The following FAM185A variants were observed in gnomAD, a reference collection of about 807,000 sequenced individuals.
FAM185A encodes the protein family with sequence similarity 185 member A.
A neutral mutation model predicts 45.7 loss-of-function variants in FAM185A; 21 were observed. The observed-to-expected ratio is 0.46, with a 90% CI of 0.33 to 0.66. The LOEUF is 0.66. Among genes scored for constraint, FAM185A ranks in the 30% least tolerant of loss-of-function variants. The probability of loss-of-function intolerance (pLI) is 0.03; values close to 1 mark genes in which losing one functional copy is unlikely to be tolerated. For missense variants in FAM185A, 305 were observed against 485.4 expected (o/e 0.63, Z 3.49); for synonymous variants, 117 against 194.0 (o/e 0.60, Z 3.30).
At chr7:102,786,108 A>C (rs2129441271) in intron 6 of FAM185A, among the ~76,000 whole-genome samples, 1 of 152,280 alleles carries the variant, frequency 6.6e-6, no homozygotes, top group East Asian at 1.9e-4. Context: ...CATCAGAGAA[A>C]TGCAAATCAA....
intron 3 of FAM185A, among the ~76,000 whole-genome samples, chr7:102,758,459 TATAGTAGCTA>T (rs1562845524): frequency 9.0e-4 from 97 of 107,296 alleles, no homozygotes; most frequent in African/African-American, 1.7e-3. Context: ...TTTTTTTTTT[TATAGTAGCTA>T]TTGGGATTTT....
At chr7:102,765,165 C>T (rs1794314917) in intron 4 of FAM185A, among the ~76,000 whole-genome samples, 1 of 152,174 alleles carries the variant, frequency 6.6e-6, no homozygotes, top group African/African-American at 2.4e-5. Flanking sequence ...TTGATTGCAA[C>T]CGCAAATTCC....
chr7:102,841,131 T>C, the FAM185A span, among the ~76,000 whole-genome samples: 1 of 152,264 alleles, frequency 6.6e-6, no homozygotes, highest in East Asian at 1.9e-4. Flanking sequence ...GTGTGTCACA[T>C]AGAAGAGGGA....
chr7:102,847,988 T>C, the FAM185A span, among the ~76,000 whole-genome samples: 1 of 152,214 alleles, frequency 6.6e-6, no homozygotes, highest in African/African-American at 2.4e-5. Context: ...TACCAAGGTG[T>C]ATACATATAT....
the FAM185A span, among the ~76,000 whole-genome samples, chr7:102,843,300 G>C: frequency 6.6e-6 from 1 of 151,754 alleles, no homozygotes; most frequent in Admixed American, 6.6e-5. Context: ...AAAATTACCT[G>C]GGCGTGGTGG....
At chr7:102,776,780 A>T (rs1795100852) in intron 5 of FAM185A, among the ~76,000 whole-genome samples, 1 of 151,590 alleles carries the variant, frequency 6.6e-6, no homozygotes, top group Admixed American at 6.6e-5. Context: ...AGCACTTCTT[A>T]GTATCAGCAA....
the FAM185A span, among the ~76,000 whole-genome samples, chr7:102,842,824 T>G: frequency 6.6e-6 from 1 of 152,210 alleles, no homozygotes; most frequent in Non-Finnish European, 1.5e-5. Context: ...AGTACAAGAC[T>G]CAGAACTCTG....
At position 102,758,439 on chromosome 7, in the gene FAM185A, T is replaced by A. The variant is rs1349751506; in HGVS notation, c.654+493T>A. 8.4e-4 allele frequency among the ~76,000 whole-genome samples: 108 copies of A among 128,880 alleles called. 2 individuals carry two copies. Among genetic ancestry groups the A allele is most frequent in the Non-Finnish European group, 1.1e-3 (67 of 59,800 alleles). The allele number at this position is 128,880 out of a possible 152,430, so 84.6% of individuals were successfully genotyped here. Reference sequence around the variant, plus strand: ...ACTGCTCTCACAGCTTTTTTTTTTTTTTTTTTTTTTTTTTTTTTTTATAGT... The same window carrying A: ...ACTGCTCTCACAGCTTTTTTTTTTTATTTTTTTTTTTTTTTTTTTTATAGT... On this transcript the variant is annotated intron_variant, in intron 3 of 7. Coordinates refer to ENST00000413034, the MANE Select transcript of FAM185A (RefSeq NM_001145268.2).
At chr7:102,834,878 ATGTGTGTGTGTGTGTGTG>A in the FAM185A span, among the ~76,000 whole-genome samples, 1 of 147,164 alleles carries the variant, frequency 6.8e-6, no homozygotes, top group Non-Finnish European at 1.5e-5. Flanking sequence ...CCATTCCACA[ATGTGTGTGTGTGTGTGTG>A]TGTGTGTGTG....
chr7:102,756,068 G>A (rs1209285790), intron 2 of FAM185A: 1 of 253,116 alleles, frequency 4.0e-6, no homozygotes, highest in African/African-American at 2.3e-5. Flanking sequence ...AATATAATTT[G>A]ACTTCAGACT....
chr7:102,811,617 G>C (rs995199849), downstream of FAM185A, among the ~76,000 whole-genome samples: 2 of 152,198 alleles, frequency 1.3e-5, no homozygotes, highest in Admixed American at 1.3e-4. Flanking sequence ...GTTTCTTACC[G>C]GGGTCTAACC....
chr7:102,825,496 A>T, the FAM185A span, among the ~76,000 whole-genome samples: 1 of 152,324 alleles, frequency 6.6e-6, no homozygotes, highest in Admixed American at 6.5e-5. Flanking sequence ...AGCCTCCAGA[A>T]ATGTAATATT....
intron 7 of FAM185A, among the ~76,000 whole-genome samples, chr7:102,802,040 AAC>A (rs1796832404): frequency 6.6e-6 from 1 of 152,228 alleles, no homozygotes; most frequent in African/African-American, 2.4e-5. Context: ...AAATTTATAA[AAC>A]AGTTACTAAT....
At position 102,755,125 on chromosome 7, in the gene FAM185A, G is replaced by A. The variant is rs543591656; in HGVS notation, c.562-2729G>A. ...GAGTTCTTGACTTAAAACAACAAGT[G>A]TGCGCCTCCCGTCGCCCAAGATGCC... On this transcript the variant is annotated intron_variant, in intron 2 of 7. Coordinates refer to ENST00000413034, the MANE Select transcript of FAM185A (RefSeq NM_001145268.2). 641 of 387,200 alleles carry A rather than the reference G, an allele frequency of 1.7e-3. 3 individuals carry two copies. The highest frequency in any genetic ancestry group is 0.013 in the African/African-American group (614 of 47,770). 24.0% of individuals were successfully genotyped at this position (387,200 alleles called of 1,614,324 possible). A position where few individuals can be genotyped will look rare whatever the true frequency, so the allele number is the denominator to read the frequency against.
chr7:102,848,743 CA>C, the FAM185A span, among the ~76,000 whole-genome samples: 4 of 151,956 alleles, frequency 2.6e-5, no homozygotes, highest in Admixed American at 2.0e-4. Context: ...CCCATAATTC[CA>C]GCAGTTTGGG....
At chr7:102,810,461 G>A (rs1415367166), downstream of FAM185A, among the ~76,000 whole-genome samples, 4 of 152,156 alleles carry the variant, frequency 2.6e-5, no homozygotes, top group Non-Finnish European at 4.4e-5. Flanking sequence ...TGAACTCCTG[G>A]CCTCATGTGA....
At chr7:102,749,734 A>G (rs1485101114) in intron 1 of FAM185A, 76 bp downstream of exon 1, 5 of 1,491,450 alleles carry the variant, frequency 3.4e-6, no homozygotes, top group African/African-American at 1.4e-5. Context: ...GTCGACGTGC[A>G]CTTTTAATTG....
intron 7 of FAM185A, among the ~76,000 whole-genome samples, chr7:102,789,732 A>G (rs1796038601): frequency 6.6e-6 from 1 of 152,240 alleles, no homozygotes; most frequent in East Asian, 1.9e-4. Flanking sequence ...AAAATAAAAA[A>G]CTTTTTGACT....
intron 3 of FAM185A, among the ~76,000 whole-genome samples, chr7:102,759,819 G>A (rs188904388): frequency 1.4e-4 from 22 of 152,214 alleles, no homozygotes; most frequent in African/African-American, 5.3e-4. Flanking sequence ...ACATAGCTAA[G>A]TCTAATGTAA....
Sources: gnomAD v4.1 joint callset for allele counts (sites outside exome capture counted in the v4.1 genomes callset) on GRCh38, gnomAD v4.1.1 for gene constraint, MANE v1.5 for transcripts, NCBI Gene and HGNC (gene_info 2026-07-23, HGNC 2026-07-21) for gene names.